The following FOXP2 variants were observed in gnomAD, a reference collection of about 807,000 sequenced individuals.
FOXP2 encodes the protein forkhead box protein P2.
A neutral mutation model predicts 115.8 loss-of-function variants in FOXP2; 12 were observed. That is an observed-to-expected ratio of 0.10 (90% CI 0.07 to 0.17). The LOEUF (loss-of-function observed/expected upper bound fraction) is 0.17. Among genes scored for constraint, FOXP2 ranks in the 10% least tolerant of loss-of-function variants. FOXP2 has a pLI of 1.00. For synonymous variants in FOXP2, 328 were observed against 297.7 expected (o/e 1.10, Z -1.05); for missense variants, 629 against 843.5 (o/e 0.75, Z 3.15).
intron 1 of FOXP2, among the ~76,000 whole-genome samples, chr7:114,129,310 TC>T: frequency 6.6e-6 from 1 of 152,334 alleles, no homozygotes; most frequent in South Asian, 2.1e-4. Flanking sequence ...AATATTACTA[TC>T]TTGCATGTTT....
chr7:114,615,338 A>G (rs1473648846), intron 3 of FOXP2, among the ~76,000 whole-genome samples: 4 of 152,112 alleles, frequency 2.6e-5, no homozygotes, highest in Admixed American at 6.5e-5. Flanking sequence ...GCTCTCTACT[A>G]CTATTACTGC....
intron 1 of FOXP2, among the ~76,000 whole-genome samples, chr7:114,186,053 G>A (rs1221152913): frequency 6.6e-6 from 1 of 151,988 alleles, no homozygotes; most frequent in East Asian, 2.0e-4. Context: ...CCATGAGGGT[G>A]TAACCCTCAT....
intron 6 of FOXP2, among the ~76,000 whole-genome samples, chr7:114,637,437 A>G: frequency 6.6e-6 from 1 of 152,274 alleles, no homozygotes; most frequent in South Asian, 2.1e-4. Flanking sequence ...ATCTTCACTT[A>G]AGATAAAAGT....
chr7:114,112,539 A>G (rs1191423252), intron 1 of FOXP2, among the ~76,000 whole-genome samples: 3 of 152,026 alleles, frequency 2.0e-5, no homozygotes, highest in Non-Finnish European at 4.4e-5. Context: ...GCTCAAAGCT[A>G]TCCACCCACC....
chr7:114,443,253 G>A (rs1169132988), intron 2 of FOXP2, among the ~76,000 whole-genome samples: 4 of 152,070 alleles, frequency 2.6e-5, no homozygotes, highest in Non-Finnish European at 2.9e-5. Context: ...TAATAAAATA[G>A]TAAAGAATAA....
chr7:114,097,973 G>T (rs572198826), intron 1 of FOXP2, among the ~76,000 whole-genome samples: 23 of 152,244 alleles, frequency 1.5e-4, no homozygotes, highest in African/African-American at 5.5e-4. Context: ...CTAATCTTCC[G>T]CCCAAGTCAG....
chr7:114,683,760 T>C (rs1395425084), intron 16 of FOXP2, among the ~76,000 whole-genome samples: 1 of 152,144 alleles, frequency 6.6e-6, no homozygotes, highest in Non-Finnish European at 1.5e-5. Flanking sequence ...GAAAAATGTC[T>C]TGGAGTAGGA....
At chr7:114,684,223 T>A (rs1464474839) in intron 16 of FOXP2, among the ~76,000 whole-genome samples, 1 of 152,166 alleles carries the variant, frequency 6.6e-6, no homozygotes, top group Non-Finnish European at 1.5e-5. Flanking sequence ...CACGAGGTTC[T>A]TTATTCAAAT....
intron 3 of FOXP2, among the ~76,000 whole-genome samples, chr7:114,553,501 C>G (rs908135347): frequency 2.6e-5 from 4 of 152,084 alleles, no homozygotes; most frequent in African/African-American, 9.7e-5. Flanking sequence ...AATGTACATG[C>G]TCTCATTAAT....
chr7:114,688,841 T>C (rs1267027508), intron 16 of FOXP2, among the ~76,000 whole-genome samples: 1 of 152,136 alleles, frequency 6.6e-6, no homozygotes, highest in Admixed American at 6.6e-5. Flanking sequence ...GGGCTGAAGT[T>C]GATTAATGGC....
intron 1 of FOXP2, among the ~76,000 whole-genome samples, chr7:114,109,724 T>C (rs1258567804): frequency 6.6e-6 from 1 of 152,168 alleles, no homozygotes; most frequent in Non-Finnish European, 1.5e-5. Flanking sequence ...GGAAAAAATT[T>C]CCTAAAAGAT....
At chr7:114,595,449 A>T (rs1356736247) in intron 3 of FOXP2, among the ~76,000 whole-genome samples, 3 of 152,094 alleles carry the variant, frequency 2.0e-5, no homozygotes, top group Non-Finnish European at 4.4e-5. Flanking sequence ...GAAATTGGGT[A>T]TAAAAAGTAA....
At chr7:114,094,988 C>T (rs1397397826) in intron 1 of FOXP2, among the ~76,000 whole-genome samples, 1 of 152,174 alleles carries the variant, frequency 6.6e-6, no homozygotes, top group Non-Finnish European at 1.5e-5. Flanking sequence ...GTGAACTCTC[C>T]TTTCCTTGTT....
chr7:114,639,462 G>A (rs1282895064), intron 6 of FOXP2, among the ~76,000 whole-genome samples: 1 of 151,708 alleles, frequency 6.6e-6, no homozygotes, highest in African/African-American at 2.4e-5. Context: ...AAGGAGACTG[G>A]TGATAACAAG....
chr7:114,585,841 A>G (rs926361813), intron 3 of FOXP2, among the ~76,000 whole-genome samples: 1 of 152,122 alleles, frequency 6.6e-6, no homozygotes, highest in Non-Finnish European at 1.5e-5. Context: ...ATGCTACAAG[A>G]TAGTGTGCAA....
At chr7:114,441,092 C>T (rs1481295257) in intron 2 of FOXP2, among the ~76,000 whole-genome samples, 1 of 151,978 alleles carries the variant, frequency 6.6e-6, no homozygotes, top group Non-Finnish European at 1.5e-5. Context: ...TGTTTTTTAT[C>T]CATGTGTACA....
At chr7:114,641,565 A>G (rs1335454178) in intron 6 of FOXP2, among the ~76,000 whole-genome samples, 1 of 152,096 alleles carries the variant, frequency 6.6e-6, no homozygotes, top group Admixed American at 6.6e-5. Context: ...AAATATCAAA[A>G]TGAACAGATA....
intron 1 of FOXP2, among the ~76,000 whole-genome samples, chr7:114,192,765 A>G (rs889084475): frequency 6.6e-6 from 1 of 152,240 alleles, no homozygotes; most frequent in African/African-American, 2.4e-5. Context: ...CCTAACATTT[A>G]TAGAAGACAG....
chr7:114,452,561 GCTGA>G (rs1336708547), intron 2 of FOXP2, among the ~76,000 whole-genome samples: 1 of 152,010 alleles, frequency 6.6e-6, no homozygotes, highest in African/African-American at 2.4e-5. Context: ...TAAAAGCTAA[GCTGA>G]CTTTCACATT....
Sources: gnomAD v4.1 joint callset for allele counts (sites outside exome capture counted in the v4.1 genomes callset) on GRCh38, gnomAD v4.1.1 for gene constraint, MANE v1.5 for transcripts, NCBI Gene and HGNC (gene_info 2026-07-23, HGNC 2026-07-21) for gene names.